Variants in HSD17B4 observed in about 807,000 individuals in gnomAD.
The protein encoded by HSD17B4 is peroxisomal multifunctional enzyme type 2.
In HSD17B4, 70 loss-of-function variants were observed where a neutral mutation model predicts 101.0. That is an observed-to-expected ratio of 0.69 (90% CI 0.57 to 0.85). The LOEUF is 0.85. Among genes scored for constraint, HSD17B4 ranks in the 40% least tolerant of loss-of-function variants. The pLI is 0.00. For missense variants in HSD17B4, 984 were observed against 892.4 expected, an observed-to-expected ratio of 1.10 and a Z score of -1.31; for synonymous variants, 347 against 297.1, an observed-to-expected ratio of 1.17 and a Z score of -1.73.
intron 8 of HSD17B4, among the ~76,000 whole-genome samples, chr5:119,483,791 A>G (rs1209955525): frequency 6.6e-6 from 1 of 152,166 alleles, no homozygotes; most frequent in East Asian, 1.9e-4. Flanking sequence ...CCTAGACATT[A>G]TATTTTATCT....
intron 23 of HSD17B4, among the ~76,000 whole-genome samples, chr5:119,540,061 T>C (rs1018807397): frequency 6.6e-6 from 1 of 152,086 alleles, no homozygotes; most frequent in African/African-American, 2.4e-5. Flanking sequence ...AGCTGTAGCC[T>C]GGGTGACAGA....
chr5:119,503,043 T>C (rs1310600433), intron 14 of HSD17B4, among the ~76,000 whole-genome samples: 1 of 151,618 alleles, frequency 6.6e-6, no homozygotes, highest in Non-Finnish European at 1.5e-5. Flanking sequence ...TTAATTTAAG[T>C]AAAATGTAGA....
chr5:119,519,169 A>T (rs1211416030), intron 17 of HSD17B4, among the ~76,000 whole-genome samples: 1 of 152,162 alleles, frequency 6.6e-6, no homozygotes, highest in Non-Finnish European at 1.5e-5. Context: ...AACGAGTATG[A>T]CAATACAAGT....
chr5:119,494,023 C>G (rs1209501584), intron 11 of HSD17B4, 77 bp downstream of exon 11: 9 of 1,454,826 alleles, frequency 6.2e-6, no homozygotes, highest in Non-Finnish European at 7.7e-6. Context: ...ATGTAGTTGT[C>G]TTCTATGTTA....
At chr5:119,541,264 T>A (rs1754964630) in intron 23 of HSD17B4, among the ~76,000 whole-genome samples, 2 of 152,142 alleles carry the variant, frequency 1.3e-5, no homozygotes, top group South Asian at 4.2e-4. Flanking sequence ...AGCTAAGCAC[T>A]CTACACATTA....
At chr5:119,530,863 AC>A (rs58764176) in intron 21 of HSD17B4, among the ~76,000 whole-genome samples, 24,605 of 123,788 alleles carry the variant, frequency 0.2, 2,719 homozygotes, top group African/African-American at 0.27. Context: ...AAAAAAAAAA[AC>A]AAAAAACAAA....
At chr5:119,463,595 T>C (rs1755493147) in intron 2 of HSD17B4, among the ~76,000 whole-genome samples, 1 of 150,092 alleles carries the variant, frequency 6.7e-6, no homozygotes, top group Non-Finnish European at 1.5e-5. Context: ...TTGATTTGCA[T>C]TTTCCTCATG....
chr5:119,540,719 C>T (rs771704601), intron 23 of HSD17B4, among the ~76,000 whole-genome samples: 3 of 152,160 alleles, frequency 2.0e-5, no homozygotes, highest in Non-Finnish European at 4.4e-5. Context: ...GTTGCCTTTT[C>T]TCCAGTTCAC....
intron 22 of HSD17B4, among the ~76,000 whole-genome samples, chr5:119,533,286 T>C (rs1370244900): frequency 2.9e-5 from 1 of 34,592 alleles, no homozygotes; most frequent in Non-Finnish European, 5.5e-5. Context: ...ATTGACAGGA[T>C]GCCTTTTTTT....
chr5:119,487,203 C>T (rs1421215726), intron 8 of HSD17B4: 1 of 150,844 alleles, frequency 6.6e-6, no homozygotes, highest in Non-Finnish European at 1.5e-5. Flanking sequence ...GGCAACCCTG[C>T]CTTCCCTGTA....
chr5:119,487,155 T>C (rs1749679742), intron 8 of HSD17B4: 1 of 152,032 alleles, frequency 6.6e-6, no homozygotes, highest in Non-Finnish European at 1.5e-5. Context: ...TATCTCTGAG[T>C]ACCTAGGTAT....
At chr5:119,455,762 C>G (rs1754571105) in intron 1 of HSD17B4, among the ~76,000 whole-genome samples, 1 of 151,974 alleles carries the variant, frequency 6.6e-6, no homozygotes, top group African/African-American at 2.4e-5. Context: ...CTTAGAATAA[C>G]TCCTGAAACA....
chr5:119,481,739 G>C (rs1749155341), intron 8 of HSD17B4, among the ~76,000 whole-genome samples: 1 of 152,118 alleles, frequency 6.6e-6, no homozygotes, highest in African/African-American at 2.4e-5. Context: ...GCCTGATGTA[G>C]AGTTGCCACA....
intron 17 of HSD17B4, among the ~76,000 whole-genome samples, chr5:119,520,925 TG>T (rs1753061147): frequency 6.6e-6 from 1 of 152,222 alleles, no homozygotes; most frequent in Admixed American, 6.5e-5. Context: ...GTTCCCATTT[TG>T]GGGGATGCAT....
At chr5:119,480,686 G>C (rs557778202) in intron 8 of HSD17B4, among the ~76,000 whole-genome samples, 2 of 151,560 alleles carry the variant, frequency 1.3e-5, no homozygotes, top group East Asian at 3.9e-4. Context: ...CAACCGGTCT[G>C]ACCAAAATTT....
Position 119,499,476 on chromosome 5 carries a change from G to A in HSD17B4, c.1132G>A (p.Gly378Arg), listed in dbSNP as rs1006852881. 3.7e-6 allele frequency: 6 copies of A among 1,613,758 alleles called. No homozygotes were observed. The highest frequency in any genetic ancestry group is 2.2e-5 in the East Asian group (1 of 44,842). The change falls in exon 13 of 24, where the codon GGA becomes AGA. Residue 378 changes from glycine (G) to arginine (R), a missense_variant. Coordinates refer to ENST00000510025, the MANE Select transcript of HSD17B4 (RefSeq NM_000414.4). ...SSDFSCLPTF[G>R]VIIGQKSMMG... ...TGATTTCTCCTGTTTGCCCACCTTC[G>A]GAGTTATCATAGGTCAGAAATCTAT...
chr5:119,504,900 T>G (rs1751506493), intron 14 of HSD17B4, among the ~76,000 whole-genome samples: 1 of 152,230 alleles, frequency 6.6e-6, no homozygotes, highest in South Asian at 2.1e-4. Context: ...ATCTAAATAT[T>G]TAATCCATCT....
chr5:119,488,596 C>G (rs896214201), intron 8 of HSD17B4, among the ~76,000 whole-genome samples: 1 of 152,054 alleles, frequency 6.6e-6, no homozygotes, highest in Non-Finnish European at 1.5e-5. Context: ...TCACATGCAC[C>G]TTCAAAATAT....
At chr5:119,483,002 T>C (rs760486912) in intron 8 of HSD17B4, among the ~76,000 whole-genome samples, 2 of 151,984 alleles carry the variant, frequency 1.3e-5, no homozygotes, top group Non-Finnish European at 2.9e-5. Flanking sequence ...AAGGCTCTGG[T>C]AAAGTAGTTT....
Sources: allele counts gnomAD v4.1 joint callset (sites outside exome capture counted in the v4.1 genomes callset), GRCh38; gene constraint gnomAD v4.1.1; transcripts MANE v1.5; gene names NCBI Gene and HGNC (gene_info 2026-07-23, HGNC 2026-07-21).